CHIC1: variants seen among roughly 807,000 people sequenced by gnomAD.
CHIC1 encodes cysteine rich hydrophobic domain 1, also known as cysteine-rich hydrophobic domain-containing protein 1.
A neutral mutation model predicts 18.5 loss-of-function variants in CHIC1; 7 were observed. That is an observed-to-expected ratio of 0.38 (90% confidence interval 0.22 to 0.71). The LOEUF is 0.71. CHIC1 is among the 30% of genes least tolerant of loss of function. The pLI, the probability that CHIC1 is intolerant of heterozygous loss-of-function variation, is 0.49. For missense variants in CHIC1, 159 were observed against 176.9 expected, an observed-to-expected ratio of 0.90 and a Z score of 0.57; for synonymous variants, 77 against 73.5, an observed-to-expected ratio of 1.05 and a Z score of -0.25.
chrX:73,607,247 G>C (rs749295135), intron 3 of CHIC1, among the ~76,000 whole-genome samples: 1 of 108,596 alleles, frequency 9.2e-6, no homozygotes, highest in African/African-American at 3.6e-5. Flanking sequence ...GGGCTTTGCC[G>C]AGTTCAAATT....
chrX:73,594,369 G>A (rs1009415789), intron 3 of CHIC1, among the ~76,000 whole-genome samples: 2 of 110,448 alleles, frequency 1.8e-5, no homozygotes, highest in African/African-American at 6.6e-5. Flanking sequence ...GGGGTTTCAC[G>A]ATGTTGCCCA....
chrX:73,663,371 G>A (rs191187151), intron 3 of CHIC1, among the ~76,000 whole-genome samples: 2 of 111,199 alleles, frequency 1.8e-5, no homozygotes, highest in Non-Finnish European at 3.8e-5. Context: ...TCAGGGGTAG[G>A]GGAAGGATAA....
rs745492559 is a variant in CHIC1 at position 73,600,037 on chromosome X, G to A, written c.507+15465G>A. Among the ~76,000 whole-genome samples, 646 of 102,112 alleles carry A rather than the reference G, an allele frequency of 6.3e-3. 36 individuals are homozygous for A. Among genetic ancestry groups the A allele is most frequent in the African/African-American group, 0.026 (626 of 24,244 alleles). The allele number at this position is 102,112 out of a possible 115,157, so 88.7% of individuals were successfully genotyped here. On this transcript the variant is annotated intron_variant, in intron 3 of 5. Coordinates refer to ENST00000373502, the MANE Select transcript of CHIC1 (RefSeq NM_001039840.4). ...GCAGTGGTTTGTAGTTCTCCTTGAA[G>A]AGGTCCTTCACATCCCTTGTAAGTT... is the stretch of plus-strand genomic sequence containing the variant.
intron 1 of CHIC1, 97 bp downstream of exon 1, chrX:73,563,677 CTGAT>C (rs2057430374): frequency 3.6e-6 from 3 of 841,690 alleles, no homozygotes; most frequent in African/African-American, 2.1e-5. Flanking sequence ...GGAGGGTTGA[CTGAT>C]TGACTGAGGC....
chrX:73,623,343 C>T (rs894471610), intron 3 of CHIC1, among the ~76,000 whole-genome samples: 17 of 110,715 alleles, frequency 1.5e-4, no homozygotes, highest in African/African-American at 5.6e-4. Flanking sequence ...TCTCTAAGAA[C>T]CTGCTTTATG....
chrX:73,674,037 A>G (rs1397339781), intron 3 of CHIC1, among the ~76,000 whole-genome samples: 1 of 112,104 alleles, frequency 8.9e-6, no homozygotes, highest in Admixed American at 9.5e-5. Flanking sequence ...TTCTGTTTAT[A>G]TGCTGGATTA....
intron 3 of CHIC1, among the ~76,000 whole-genome samples, chrX:73,656,405 A>G (rs1173697147): frequency 9.0e-6 from 1 of 111,091 alleles, no homozygotes; most frequent in Non-Finnish European, 1.9e-5. Context: ...TGTTGCCTAG[A>G]TTTTCTTTTA....
chrX:73,604,726 A>C (rs2057670668), intron 3 of CHIC1, among the ~76,000 whole-genome samples: 1 of 108,773 alleles, frequency 9.2e-6, no homozygotes, highest in Admixed American at 9.7e-5. Flanking sequence ...ATTGGTTTCA[A>C]AGAACTTATG....
intron 1 of CHIC1, 83 bp from the exon 2 acceptor site, chrX:73,577,324 T>C (rs2057504169): frequency 2.8e-6 from 2 of 720,840 alleles, no homozygotes; most frequent in East Asian, 3.4e-5. Context: ...GAAAAATGCA[T>C]GGGTTTATAA....
intron 3 of CHIC1, among the ~76,000 whole-genome samples, chrX:73,626,118 G>A (rs1383904344): frequency 9.0e-6 from 1 of 111,477 alleles, no homozygotes; most frequent in Non-Finnish European, 1.9e-5. Context: ...TAAAGTGAAA[G>A]CAAGTTTATT....
At chrX:73,574,392 T>A (rs1251769570) in intron 1 of CHIC1, among the ~76,000 whole-genome samples, 1 of 110,734 alleles carries the variant, frequency 9.0e-6, no homozygotes, top group African/African-American at 3.3e-5. Flanking sequence ...AGTTTTCTTT[T>A]TTCCTTCTAT....
chrX:73,576,595 T>A (rs1417819975), intron 1 of CHIC1, among the ~76,000 whole-genome samples: 2 of 110,714 alleles, frequency 1.8e-5, no homozygotes, highest in African/African-American at 3.3e-5. Context: ...GCTGTTACTG[T>A]TATTGCCCAC....
At chrX:73,581,786 T>A (rs917430609) in intron 2 of CHIC1, among the ~76,000 whole-genome samples, 3 of 111,269 alleles carry the variant, frequency 2.7e-5, no homozygotes, top group Non-Finnish European at 5.7e-5. Flanking sequence ...GAGACCATTA[T>A]ATGTTAAAAA....
chrX:73,582,849 T>C (rs766701803), intron 2 of CHIC1, among the ~76,000 whole-genome samples: 28 of 111,115 alleles, frequency 2.5e-4, no homozygotes, highest in Non-Finnish European at 4.9e-4. Context: ...AGCTAATAAG[T>C]AACTATAATT....
intron 3 of CHIC1, among the ~76,000 whole-genome samples, chrX:73,635,045 TCTG>T (rs2057825482): frequency 9.0e-6 from 1 of 111,053 alleles, no homozygotes; most frequent in African/African-American, 3.3e-5. Flanking sequence ...AACTAGTGTA[TCTG>T]TAGGGGAATG....
Position 73,619,953 on chromosome X carries a change from C to T in CHIC1, c.507+35381C>T, listed in dbSNP as rs151065947. ...GGTCCCACTAATGAGTGAGAACATGCGGTGTTTGGCTTTCTGTTCCTGTGT... is the reference window on the plus strand; with the variant it reads ...GGTCCCACTAATGAGTGAGAACATGTGGTGTTTGGCTTTCTGTTCCTGTGT... On this transcript the variant is annotated intron_variant, in intron 3 of 5. Coordinates refer to ENST00000373502, the MANE Select transcript of CHIC1 (RefSeq NM_001039840.4). Among the ~76,000 whole-genome samples, 27 of 111,017 alleles carry T rather than the reference C, an allele frequency of 2.4e-4. No individual in the cohort carries two copies. In the East Asian group the frequency reaches 3.7e-3, roughly 15 times the overall value.
At chrX:73,608,530 G>A (rs2057693313) in intron 3 of CHIC1, among the ~76,000 whole-genome samples, 1 of 108,290 alleles carries the variant, frequency 9.2e-6, no homozygotes, top group Non-Finnish European at 1.9e-5. Context: ...CAATCCATAA[G>A]AGCAGACTGT....
At chrX:73,673,589 C>T (rs187627696) in intron 3 of CHIC1, among the ~76,000 whole-genome samples, 2 of 111,768 alleles carry the variant, frequency 1.8e-5, no homozygotes, top group East Asian at 2.8e-4. Context: ...GATTTTTGTA[C>T]ATTGATTTTG....
At chrX:73,631,886 T>A (rs1198918552) in intron 3 of CHIC1, among the ~76,000 whole-genome samples, 2 of 111,990 alleles carry the variant, frequency 1.8e-5, no homozygotes, top group Non-Finnish European at 3.8e-5. Flanking sequence ...ACAATTGTAT[T>A]AGGAAAATAT....
Sources: gnomAD v4.1 joint callset for allele counts (sites outside exome capture counted in the v4.1 genomes callset) on GRCh38, gnomAD v4.1.1 for gene constraint, MANE v1.5 for transcripts, NCBI Gene and HGNC (gene_info 2026-07-23, HGNC 2026-07-21) for gene names.